Variants in FBXO42 observed in about 807,000 individuals in gnomAD.
The protein encoded by FBXO42 is F-box protein 42, also known as F-box only protein 42.
In FBXO42, 12 loss-of-function variants were observed where a neutral mutation model predicts 71.7. The ratio of observed to expected loss-of-function variants is 0.17; its 90% CI spans 0.11 to 0.27. The LOEUF is 0.27. Ranked by LOEUF, FBXO42 falls within the 10% of genes least tolerant of loss-of-function variation. FBXO42 has a pLI of 1.00. For missense variants in FBXO42, 707 were observed against 911.9 expected (o/e 0.78, Z 2.89); for synonymous variants, 325 against 327.5 (o/e 0.99, Z 0.08).
intron 4 of FBXO42, among the ~76,000 whole-genome samples, chr1:16,258,144 T>G (rs1557570872): frequency 6.6e-6 from 1 of 152,300 alleles, no homozygotes; most frequent in East Asian, 1.9e-4. Flanking sequence ...CCTCTTTCAG[T>G]AGCACATTAC....
chr1:16,277,739 A>AT (rs1357537592), intron 4 of FBXO42, among the ~76,000 whole-genome samples: 2 of 143,830 alleles, frequency 1.4e-5, no homozygotes, highest in African/African-American at 5.2e-5. Flanking sequence ...AAAAAAAAAA[A>AT]TTAAAAAATT....
chr1:16,310,778 ATTATTTAT>A (rs907928578), intron 2 of FBXO42, among the ~76,000 whole-genome samples: 1 of 151,776 alleles, frequency 6.6e-6, no homozygotes, highest in African/African-American at 2.4e-5. Flanking sequence ...TAAATTAAAT[ATTATTTAT>A]TTATTTATTT....
intron 1 of FBXO42, among the ~76,000 whole-genome samples, chr1:16,350,757 AAAAG>A (rs559971807): frequency 1.6e-3 from 73 of 44,264 alleles, no homozygotes; most frequent in African/African-American, 4.4e-3. Flanking sequence ...AAAAAAAAAA[AAAAG>A]AAAGAAAGAA....
intron 3 of FBXO42, among the ~76,000 whole-genome samples, chr1:16,303,050 T>C (rs971247640): frequency 6.6e-6 from 1 of 151,730 alleles, no homozygotes; most frequent in Non-Finnish European, 1.5e-5. Flanking sequence ...CAAAACACAA[T>C]TAAAAATTTC....
chr1:16,300,819 G>A (rs1218029159), intron 3 of FBXO42, among the ~76,000 whole-genome samples: 1 of 150,210 alleles, frequency 6.7e-6, no homozygotes, highest in East Asian at 2.0e-4. Context: ...ACATCAATCT[G>A]AAAAGGACAT....
chr1:16,315,443 A>C lies in FBXO42; in HGVS notation c.-17-8T>G. The C allele has an allele frequency of 6.2e-7, 1 of 1,609,070 alleles. No individual in the cohort carries two copies. ...TGACATTCCACTCAACAGCTGTAATAGGTAAAACATAAATATCAGTATTCC... is the reference window on the plus strand; with the variant it reads ...TGACATTCCACTCAACAGCTGTAATCGGTAAAACATAAATATCAGTATTCC... On this transcript the variant is annotated splice_region_variant and splice_polypyrimidine_tract_variant and intron_variant, in intron 1 of 9. Coordinates refer to ENST00000375592, the MANE Select transcript of FBXO42 (RefSeq NM_018994.3).
chr1:16,326,014 T>TGTGTGTGTG (rs2082445397), intron 1 of FBXO42, among the ~76,000 whole-genome samples: 3 of 137,418 alleles, frequency 2.2e-5, no homozygotes, highest in Non-Finnish European at 3.2e-5. Flanking sequence ...GTGCCCAAAT[T>TGTGTGTGTG]TGTGTGTGTG....
chr1:16,327,146 T>C lies in FBXO42; in HGVS notation c.-17-11711A>G, dbSNP rs926843671. Among the ~76,000 whole-genome samples, 4 of 152,204 alleles carry C rather than the reference T, an allele frequency of 2.6e-5. No homozygotes were observed. The East Asian group carries it at 7.7e-4, about 29-fold the overall frequency. ...AGACACCTTAACAATATCGGTACTT[T>C]TTTGATGAAGATCATAAAGTACCTT... On this transcript the variant is annotated intron_variant, in intron 1 of 9. Coordinates refer to ENST00000375592, the MANE Select transcript of FBXO42 (RefSeq NM_018994.3).
chr1:16,346,452 T>C (rs888842081), intron 1 of FBXO42, among the ~76,000 whole-genome samples: 1 of 151,538 alleles, frequency 6.6e-6, no homozygotes, highest in Non-Finnish European at 1.5e-5. Context: ...ACTTTGGGAG[T>C]CCGAGGCGGG....
chr1:16,341,510 G>A (rs1278116202), intron 1 of FBXO42, among the ~76,000 whole-genome samples: 2 of 151,126 alleles, frequency 1.3e-5, no homozygotes, highest in Admixed American at 6.7e-5. Context: ...TGAGGCAGGA[G>A]AATCGCTTGA....
chr1:16,346,459 C>T (rs375793475), intron 1 of FBXO42, among the ~76,000 whole-genome samples: 3 of 151,888 alleles, frequency 2.0e-5, no homozygotes, highest in Admixed American at 6.6e-5. Flanking sequence ...GAGTCCGAGG[C>T]GGGCGGATCA....
chr1:16,283,442 A>T (rs939121477), intron 4 of FBXO42, among the ~76,000 whole-genome samples: 20 of 150,082 alleles, frequency 1.3e-4, no homozygotes, highest in Non-Finnish European at 2.8e-4. Flanking sequence ...AAAATGACAG[A>T]CTGAGCTTTA....
intron 4 of FBXO42, among the ~76,000 whole-genome samples, chr1:16,272,483 TC>T (rs1045344380): frequency 1.7e-4 from 26 of 152,140 alleles, no homozygotes; most frequent in African/African-American, 6.0e-4. Flanking sequence ...GGTTTCGAAC[TC>T]CTGACCTCAA....
In FBXO42 at chr1:16,312,898, G is replaced by A. The variant is rs146268566; in HGVS notation, c.250+2271C>T. 6.0e-3 allele frequency among the ~76,000 whole-genome samples: 911 copies of A among 151,562 alleles called. 10 individuals are homozygous for A. Among genetic ancestry groups the A allele is most frequent in the African/African-American group, 0.02 (818 of 41,290 alleles). ...CAACCTCTGCCTCCCAGGTTTGAACGTTTCTCCTGCCTCAGCCTCCCGAGT... is the reference window on the plus strand; with the variant it reads ...CAACCTCTGCCTCCCAGGTTTGAACATTTCTCCTGCCTCAGCCTCCCGAGT... On this transcript the variant is annotated intron_variant, in intron 2 of 9. Transcript: ENST00000375592.
intron 1 of FBXO42, among the ~76,000 whole-genome samples, chr1:16,330,716 G>C (rs1377174666): frequency 1.3e-5 from 2 of 151,888 alleles, no homozygotes; most frequent in African/African-American, 2.4e-5. Flanking sequence ...CCGAGGAGGT[G>C]AATCACCTGA....
chr1:16,284,462 C>T (rs1396061986), intron 4 of FBXO42, among the ~76,000 whole-genome samples: 1 of 152,142 alleles, frequency 6.6e-6, no homozygotes, highest in African/African-American at 2.4e-5. Flanking sequence ...ACAATTCTCC[C>T]CCTCTATCCA....
intron 6 of FBXO42, 100 bp from the exon 7 acceptor site, chr1:16,253,831 T>C: frequency 9.6e-7 from 1 of 1,041,822 alleles, no homozygotes; most frequent in East Asian, 2.5e-5. Flanking sequence ...CTGGCAAACT[T>C]GCACCATTTT....
intron 4 of FBXO42, among the ~76,000 whole-genome samples, chr1:16,280,815 C>T (rs907257448): frequency 1.3e-5 from 2 of 152,124 alleles, no homozygotes; most frequent in East Asian, 3.8e-4. Context: ...AAACTACTCA[C>T]AGCATGGCTT....
intron 2 of FBXO42, among the ~76,000 whole-genome samples, chr1:16,306,677 AG>A (rs2082254284): frequency 6.6e-6 from 1 of 152,144 alleles, no homozygotes; most frequent in Non-Finnish European, 1.5e-5. Flanking sequence ...GATAATAATT[AG>A]TTTACAATTG....
Sources: allele counts gnomAD v4.1 joint callset (sites outside exome capture counted in the v4.1 genomes callset), GRCh38; gene constraint gnomAD v4.1.1; transcripts MANE v1.5; gene names NCBI Gene and HGNC (gene_info 2026-07-23, HGNC 2026-07-21).